Variants in PFKM observed in about 807,000 individuals in gnomAD.
PFKM encodes the protein ATP-dependent 6-phosphofructokinase, muscle type.
Under a neutral mutation model 95.5 loss-of-function variants are expected in PFKM, and 58 were observed. That is an observed-to-expected ratio of 0.61 (90% CI 0.49 to 0.76). The LOEUF (loss-of-function observed/expected upper bound fraction) is 0.76. PFKM is among the 30% of genes least tolerant of loss of function. The pLI, the probability that PFKM is intolerant of heterozygous loss-of-function variation, is 0.00. For missense variants in PFKM, 678 were observed against 1,005.4 expected (o/e 0.67, Z 4.40); for synonymous variants, 336 against 357.2 (o/e 0.94, Z 0.67).
chr12:48,124,199 A>C (rs1409153858), intron 2 of PFKM, among the ~76,000 whole-genome samples: 1 of 152,230 alleles, frequency 6.6e-6, no homozygotes, highest in Non-Finnish European at 1.5e-5. Context: ...AAGTGCTAGA[A>C]TGAAGAAACT....
intron 2 of PFKM, among the ~76,000 whole-genome samples, chr12:48,124,725 C>A (rs1306837284): frequency 6.6e-6 from 1 of 152,080 alleles, no homozygotes; most frequent in Non-Finnish European, 1.5e-5. Flanking sequence ...GGGAAATAGC[C>A]CACCTGCAAA....
In PFKM at chr12:48,139,275, C is replaced by G. The variant is rs761313348; in HGVS notation, c.1063-10C>G. On this transcript the variant is annotated splice_polypyrimidine_tract_variant and intron_variant, in intron 11 of 22. Coordinates refer to ENST00000359794, the MANE Select transcript of PFKM (RefSeq NM_000289.6). ...CTGGAGTTGAAACTGTCGCTGTGCT[C>G]CCCCCTCAGACCAAAGATGTGACCA... 3 of 1,608,632 alleles carry G rather than the reference C, an allele frequency of 1.9e-6. No homozygotes were observed. The African/African-American group carries it at 4.0e-5, about 22-fold the overall frequency.
intron 2 of PFKM, among the ~76,000 whole-genome samples, chr12:48,128,298 G>A (rs527272368): frequency 3.3e-5 from 5 of 151,674 alleles, no homozygotes; most frequent in Non-Finnish European, 7.4e-5. Context: ...GAGAGATGGG[G>A]TCTCACTGTG....
chr12:48,141,263 C>T, intron 14 of PFKM, 48 bp from the exon 15 acceptor site: 1 of 1,547,856 alleles, frequency 6.5e-7, no homozygotes, highest in Non-Finnish European at 8.9e-7. Flanking sequence ...CCACACAGGC[C>T]TCCTAGTGCT....
rs539232380 is a variant in PFKM at position 48,112,638 on chromosome 12, G to T, written c.205+4444G>T. 5.9e-5 allele frequency among the ~76,000 whole-genome samples: 9 copies of T among 152,260 alleles called. No homozygotes were observed. The South Asian group carries it at 1.9e-3, about 32-fold the overall frequency. On this transcript the variant is annotated intron_variant, in intron 3 of 24. Coordinates refer to the PFKM transcript ENST00000340802. ...CACTACAGAATAATGGGTTATGGAG[G>T]GGTTGTGGAGGGAGGTATTGAGGTT...
intron 1 of PFKM, 83 bp downstream of exon 1, chr12:48,119,489 A>G: frequency 1.3e-6 from 1 of 787,508 alleles, no homozygotes; most frequent in Non-Finnish European, 1.5e-6. Flanking sequence ...GGCGGTAGGG[A>G]GAACTGAAAG....
chr12:48,109,577 C>A (rs575895239), intron 3 of PFKM, among the ~76,000 whole-genome samples: 1 of 152,256 alleles, frequency 6.6e-6, no homozygotes, highest in East Asian at 1.9e-4. Flanking sequence ...GTACCTAAAA[C>A]TCACCTCAGA....
At chr12:48,142,504 A>G in intron 17 of PFKM, 1 of 493,058 alleles carries the variant, frequency 2.0e-6, no homozygotes, top group South Asian at 2.1e-5. Flanking sequence ...CTGAATACCA[A>G]ATGTTTTGTT....
upstream of PFKM, among the ~76,000 whole-genome samples, chr12:48,117,169 G>C (rs1947749633): frequency 7.3e-6 from 1 of 137,388 alleles, no homozygotes; most frequent in Admixed American, 7.1e-5. Context: ...TTCCTGGCTT[G>C]ATAATTTTTT....
chr12:48,124,907 A>G (rs1011400406), intron 2 of PFKM, among the ~76,000 whole-genome samples: 1 of 152,214 alleles, frequency 6.6e-6, no homozygotes, highest in African/African-American at 2.4e-5. Context: ...GATGGACTCT[A>G]GTTCTCCCGG....
At chr12:48,137,919 A>G (rs548816259) in intron 11 of PFKM, 73 bp downstream of exon 11, 14 of 1,517,858 alleles carry the variant, frequency 9.2e-6, no homozygotes, top group Middle Eastern at 3.4e-4. Flanking sequence ...GCATGAGACT[A>G]TGTCTAAGGC....
At position 48,145,540 on chromosome 12, in the gene PFKM, A is replaced by G. The variant is rs1197422429; in HGVS notation, c.2199-24A>G. The G allele has an allele frequency of 1.2e-6, 2 of 1,613,866 alleles. No individual in the cohort carries two copies. Among genetic ancestry groups the G allele is most frequent in the South Asian group, 1.1e-5 (1 of 91,078 alleles). On this transcript the variant is annotated intron_variant, in intron 22 of 22. Coordinates refer to ENST00000359794, the MANE Select transcript of PFKM (RefSeq NM_000289.6). This position sits in a 1 kb window ranked among gnomAD's most constrained non-coding sequence, Gnocchi z 4.3. ...GATTGGGGTGCTAAAAGATTATATCATCATCTACCTCATTCCTCTGTAGGC... is the reference window on the plus strand; with the variant it reads ...GATTGGGGTGCTAAAAGATTATATCGTCATCTACCTCATTCCTCTGTAGGC...
At chr12:48,131,259 A>T in intron 3 of PFKM, 57 bp from the exon 4 acceptor site, 1 of 1,209,504 alleles carries the variant, frequency 8.3e-7, no homozygotes. Flanking sequence ...TCCTGTCTTA[A>T]TCTTGGGAAT....
chr12:48,122,053 T>G (rs760888182), intron 1 of PFKM, among the ~76,000 whole-genome samples: 1 of 152,138 alleles, frequency 6.6e-6, no homozygotes, highest in Non-Finnish European at 1.5e-5. Flanking sequence ...GTTAATTTTC[T>G]CATTTCATAG....
chr12:48,135,137 A>C, intron 9 of PFKM, 99 bp downstream of exon 9: 1 of 1,124,866 alleles, frequency 8.9e-7, no homozygotes, highest in South Asian at 1.3e-5. Flanking sequence ...GTCCTTCTGC[A>C]CATCTCTCCC....
intron 2 of PFKM, among the ~76,000 whole-genome samples, chr12:48,126,612 T>G (rs1489881864): frequency 6.6e-6 from 1 of 152,224 alleles, no homozygotes; most frequent in Non-Finnish European, 1.5e-5. Flanking sequence ...CTCTTAACCC[T>G]GGGTATACCA....
At chr12:48,107,051 G>T (rs1394386898) in intron 1 of PFKM, among the ~76,000 whole-genome samples, 2 of 152,168 alleles carry the variant, frequency 1.3e-5, no homozygotes, top group East Asian at 3.8e-4. Context: ...AAGTCTTAGA[G>T]AAATGCCCCC....
intron 2 of PFKM, among the ~76,000 whole-genome samples, chr12:48,126,883 G>T (rs1389935912): frequency 6.6e-6 from 1 of 152,190 alleles, no homozygotes; most frequent in Non-Finnish European, 1.5e-5. Context: ...AAGGCTTTGT[G>T]TTGACTTTTG....
intron 12 of PFKM, 47 bp downstream of exon 12, chr12:48,139,396 G>C (rs1382511000): frequency 2.0e-6 from 3 of 1,467,814 alleles, no homozygotes; most frequent in Admixed American, 3.3e-5. Context: ...TCAGAGGCGT[G>C]AACGAAGCCA....
Sources: allele counts gnomAD v4.1 joint callset (sites outside exome capture counted in the v4.1 genomes callset), GRCh38; gene constraint gnomAD v4.1.1; non-coding constraint Gnocchi (gnomAD v3.1); transcripts MANE v1.5; gene names NCBI Gene and HGNC (gene_info 2026-07-23, HGNC 2026-07-21).